Variants in PCNT observed in about 807,000 individuals in gnomAD.
PCNT encodes pericentrin.
PCNT carries 319 observed loss-of-function variants against 380.4 expected under a neutral mutation model. The observed-to-expected ratio is 0.84, with a 90% CI of 0.77 to 0.92. The LOEUF (loss-of-function observed/expected upper bound fraction) is 0.92. PCNT is among the 40% of genes least tolerant of loss of function. The pLI is 0.00. For missense variants in PCNT, 4,400 were observed against 4,255.3 expected, an observed-to-expected ratio of 1.03 and a Z score of -0.95; for synonymous variants, 1,845 against 1,735.2, an observed-to-expected ratio of 1.06 and a Z score of -1.57.
At chr21:46,383,431 G>C (rs2085668887) in intron 16 of PCNT, among the ~76,000 whole-genome samples, 1 of 146,406 alleles carries the variant, frequency 6.8e-6, no homozygotes, top group South Asian at 2.3e-4. Context: ...AGTGGCAGAA[G>C]CGCATTCACG....
intron 32 of PCNT, among the ~76,000 whole-genome samples, chr21:46,422,677 C>T (rs757113822): frequency 6.6e-6 from 1 of 152,196 alleles, no homozygotes; most frequent in Non-Finnish European, 1.5e-5. Flanking sequence ...GATGCCACTA[C>T]AGGAGCTTAG....
At chr21:46,423,858 G>A (rs1256115566) in intron 32 of PCNT, among the ~76,000 whole-genome samples, 2 of 150,994 alleles carry the variant, frequency 1.3e-5, no homozygotes, top group Non-Finnish European at 3.0e-5. Flanking sequence ...GGAGGAGGAA[G>A]AGGAGGAACT....
At chr21:46,349,517 G>C (rs556586432) in intron 7 of PCNT, among the ~76,000 whole-genome samples, 167 bp from the exon 8 acceptor site, 1 of 152,180 alleles carries the variant, frequency 6.6e-6, no homozygotes, top group Non-Finnish European at 1.5e-5. Context: ...ATGGGTAGGC[G>C]ATGTCCCCTG....
At position 46,401,605 on chromosome 21, in the gene PCNT, T is replaced by C; in HGVS notation, c.4846T>C (p.Leu1616=). ...QMSSLLLAST[L]QSTLDAGRCP... ...GAGTAGCTTGCTTCTGGCGTCCACG[T>C]TGCAGTCTACACTAGATGCAGGCAG... Residue 1616 remains leucine (L), a synonymous_variant, in exon 26 of 47, where the codon TTG becomes CTG. Transcript: ENST00000359568. 3 of 1,613,870 alleles carry C rather than the reference T, an allele frequency of 1.9e-6. No homozygotes were observed. The highest frequency in any genetic ancestry group is 4.5e-5 in the East Asian group (2 of 44,864).
rs776924524 is a variant in PCNT at position 46,411,810 on chromosome 21, G to A, written c.5737G>A (p.Gly1913Arg). Residue 1913 changes from glycine to arginine, a missense_variant, in exon 28 of 47, where the codon GGG becomes AGG. By Grantham distance (125) the Gly-to-Arg change is moderately radical. Transcript: ENST00000359568. ...RALEQQPLAA[G>R]AAPPELQWLR... is the part of the protein sequence containing the mutation. Reference sequence around the variant, plus strand: ...CCTGGAGCAGCAGCCCCTGGCAGCCGGGGCGGCGCCTCCCGAGCTGCAGTG... The same window carrying A: ...CCTGGAGCAGCAGCCCCTGGCAGCCAGGGCGGCGCCTCCCGAGCTGCAGTG... 36 of 1,585,174 alleles carry A rather than the reference G, an allele frequency of 2.3e-5. No individual in the cohort carries two copies. In the East Asian group the frequency reaches 2.3e-4, roughly 10 times the overall value.
intron 24 of PCNT, 95 bp from the exon 25 acceptor site, chr21:46,399,495 A>G: frequency 3.3e-6 from 3 of 922,718 alleles, no homozygotes; most frequent in South Asian, 2.7e-5. Flanking sequence ...TAGGGCATCT[A>G]TTTTGTCTCT....
At chr21:46,435,724 A>G (rs576289105) in intron 38 of PCNT, among the ~76,000 whole-genome samples, 180 bp from the exon 39 acceptor site, 156 of 151,678 alleles carry the variant, frequency 1.0e-3, no homozygotes, top group Middle Eastern at 0.01. Flanking sequence ...TTGTATTTTT[A>G]GTAGAGGTGG....
chr21:46,403,264 G>C (rs1275458364), intron 27 of PCNT, among the ~76,000 whole-genome samples: 2 of 139,130 alleles, frequency 1.4e-5, no homozygotes, highest in East Asian at 4.2e-4. Context: ...CAGCGTGGGA[G>C]AATTGTGTGT....
chr21:46,410,367 G>T (rs972003203), intron 27 of PCNT, among the ~76,000 whole-genome samples: 1 of 152,182 alleles, frequency 6.6e-6, no homozygotes, highest in Non-Finnish European at 1.5e-5. Context: ...ACCTGGAGTT[G>T]TTATGAAACC....
At chr21:46,392,119 AAAC>A (rs1240231730) in intron 21 of PCNT, among the ~76,000 whole-genome samples, 4 of 152,188 alleles carry the variant, frequency 2.6e-5, no homozygotes, top group African/African-American at 9.7e-5. Flanking sequence ...TCTCTTTAGA[AAAC>A]AACCAGCTTT....
At chr21:46,402,036 T>C (rs1284337882) in intron 26 of PCNT, among the ~76,000 whole-genome samples, 1 of 152,092 alleles carries the variant, frequency 6.6e-6, no homozygotes, top group Non-Finnish European at 1.5e-5. Context: ...GTATTTTTAG[T>C]AGAGACAGGG....
At chr21:46,334,794 T>G (rs775990212) in intron 3 of PCNT, 26 bp downstream of exon 3, 2 of 1,614,180 alleles carry the variant, frequency 1.2e-6, no homozygotes, top group South Asian at 2.2e-5. Flanking sequence ...TCTGTTAAGG[T>G]GTATTCTTTG....
At chr21:46,374,632 C>T (rs2085273561) in intron 15 of PCNT, among the ~76,000 whole-genome samples, 1 of 152,068 alleles carries the variant, frequency 6.6e-6, no homozygotes, top group Non-Finnish European at 1.5e-5. Context: ...GGTGCATCAC[C>T]TGAGGTTGGG....
intron 41 of PCNT, among the ~76,000 whole-genome samples, chr21:46,439,511 T>C (rs769179208): frequency 5.9e-5 from 9 of 152,234 alleles, no homozygotes; most frequent in Non-Finnish European, 1.0e-4. Context: ...CGTACACTCT[T>C]AAGTCATCTC....
chr21:46,398,237 G>C lies in PCNT; in HGVS notation c.4566G>C (p.Gln1522His), dbSNP rs2086273224. The change falls in exon 24 of 47, where the codon CAG becomes CAC. Residue 1522 changes from glutamine to histidine, a missense_variant and splice_region_variant. Gln to His is a conservative substitution (Grantham distance 24). Transcript: ENST00000359568. ...PQPWGPRDSQ[Q>H]APLDGEVELL... The stretch of plus-strand genomic sequence containing the variant: ...TTCCATGTACATGAAATCGGCAGCA[G>C]GCGCCGCTGGATGGAGAGGTGAGGA... 6.2e-7 allele frequency: 1 copy of C among 1,607,678 alleles called. No homozygotes were observed. The highest frequency in any genetic ancestry group is 8.5e-7 in the Non-Finnish European group (1 of 1,178,106).
At chr21:46,377,882 A>AACCCCCCCACTCGTTAGCATTT (rs139165391) in intron 15 of PCNT, among the ~76,000 whole-genome samples, 1 of 151,584 alleles carries the variant, frequency 6.6e-6, no homozygotes, top group African/African-American at 2.4e-5. Flanking sequence ...GAAAACAAGA[A>AACCCCCCCACTCGTTAGCATTT]ACTCCCCATT....
Position 46,356,966 on chromosome 21 carries a change from CCA to C in PCNT, c.1937-3_1937-2del. ...CCTGACTGTCTTCCCTGCTCCTTTTCCACACAGAGCTTCCCTGGGTGCATCTC... is the reference window on the plus strand; with the variant it reads ...CCTGACTGTCTTCCCTGCTCCTTTTCCACAGAGCTTCCCTGGGTGCATCTC... On this transcript the variant is annotated splice_region_variant and splice_polypyrimidine_tract_variant and intron_variant, in intron 12 of 46. Coordinates refer to ENST00000359568, the MANE Select transcript of PCNT (RefSeq NM_006031.6). 6.2e-7 allele frequency: 1 copy of C among 1,613,206 alleles called. No individual in the cohort carries two copies. Among genetic ancestry groups the C allele is most frequent in the Admixed American group, 1.7e-5 (1 of 60,030 alleles).
At chr21:46,331,459 A>G (rs2083559014) in intron 2 of PCNT, among the ~76,000 whole-genome samples, 1 of 152,234 alleles carries the variant, frequency 6.6e-6, no homozygotes, top group South Asian at 2.1e-4. Flanking sequence ...TGTTAAGTGC[A>G]TGATGGAAAA....
Position 46,364,338 on chromosome 21 carries a change from C to T in PCNT, c.2609+404C>T, listed in dbSNP as rs544057355. Among the ~76,000 whole-genome samples the T allele has an allele frequency of 6.7e-3, 1,016 of 151,514 alleles. 8 individuals carry two copies. The highest frequency in any genetic ancestry group is 0.023 in the African/African-American group (960 of 41,236). On this transcript the variant is annotated intron_variant, in intron 14 of 46. Coordinates refer to ENST00000359568, the MANE Select transcript of PCNT (RefSeq NM_006031.6). ...ATGGGCAGGCTGGCAGCCGCCACCCCGAAGCCCCCCGGCCACAGTGGGACA... is the reference window on the plus strand; with the variant it reads ...ATGGGCAGGCTGGCAGCCGCCACCCTGAAGCCCCCCGGCCACAGTGGGACA...
Sources: allele counts gnomAD v4.1 joint callset (sites outside exome capture counted in the v4.1 genomes callset), GRCh38; gene constraint gnomAD v4.1.1; transcripts MANE v1.5; gene names NCBI Gene and HGNC (gene_info 2026-07-23, HGNC 2026-07-21).